LRRIQ1: variants seen among roughly 807,000 people sequenced by gnomAD.
LRRIQ1 encodes leucine rich repeats and IQ motif containing 1, also known as leucine-rich repeat- and IQ domain-containing protein 1.
LRRIQ1 carries 210 observed loss-of-function variants against 211.9 expected under a neutral mutation model. The ratio of observed to expected loss-of-function variants is 0.99; its 90% CI spans 0.89 to 1.11. The LOEUF (loss-of-function observed/expected upper bound fraction) is 1.11, where lower values mean the gene tolerates loss of function less well. LRRIQ1 is among the 50% of genes most tolerant of loss of function. The pLI is 0.00. For missense variants in LRRIQ1, 2,136 were observed against 1,939.5 expected, an observed-to-expected ratio of 1.10 and a Z score of -1.90; for synonymous variants, 699 against 650.1, an observed-to-expected ratio of 1.08 and a Z score of -1.14.
chr12:85,139,669 A>G (rs1489520811), intron 19 of LRRIQ1, among the ~76,000 whole-genome samples: 4 of 151,448 alleles, frequency 2.6e-5, no homozygotes, highest in African/African-American at 9.7e-5. Context: ...TGAAAATATT[A>G]TCAATAAGAC....
chr12:85,224,812 T>C (rs1227773622), intron 24 of LRRIQ1, among the ~76,000 whole-genome samples: 4 of 151,990 alleles, frequency 2.6e-5, no homozygotes, highest in Non-Finnish European at 5.9e-5. Flanking sequence ...TGCAGTAAAC[T>C]ACCATGGCAC....
chr12:85,215,734 A>T lies in LRRIQ1; in HGVS notation c.4823-13783A>T, dbSNP rs76325541. Among the ~76,000 whole-genome samples, 142 of 152,322 alleles carry T rather than the reference A, an allele frequency of 9.3e-4. 1 individual carries two copies. Among genetic ancestry groups the T allele is most frequent in the African/African-American group, 3.3e-3 (139 of 41,574 alleles). ...CAAACTGGAAACAACCGATGTGGCC[A>T]CCAACAATGCAATGGATAAGCTCTA... On this transcript the variant is annotated intron_variant, in intron 24 of 26. Coordinates refer to ENST00000393217, the MANE Select transcript of LRRIQ1 (RefSeq NM_001079910.2).
intron 15 of LRRIQ1, among the ~76,000 whole-genome samples, chr12:85,111,685 C>G (rs1283044913): frequency 6.6e-6 from 1 of 151,990 alleles, no homozygotes; most frequent in Non-Finnish European, 1.5e-5. Flanking sequence ...ATGTTTAGTT[C>G]TGAATATATT....
At chr12:85,236,830 C>CATATATAT (rs60371759) in intron 26 of LRRIQ1, among the ~76,000 whole-genome samples, 6,585 of 108,592 alleles carry the variant, frequency 0.061, 300 homozygotes, top group East Asian at 0.14. Context: ...TGTATGTGTG[C>CATATATAT]ATATATATAT....
intron 10 of LRRIQ1, 123 bp downstream of exon 10, chr12:85,067,021 T>A: frequency 4.1e-6 from 2 of 493,176 alleles, no homozygotes; most frequent in Non-Finnish European, 6.5e-6. Flanking sequence ...GTTATACTTT[T>A]AAAATTTAGA....
chr12:85,260,499 G>A (rs917585842), intron 1 of LRRIQ1, among the ~76,000 whole-genome samples: 2 of 152,056 alleles, frequency 1.3e-5, no homozygotes, highest in Non-Finnish European at 2.9e-5. Flanking sequence ...GGAACAAAAT[G>A]TATTAGTCAT....
chr12:85,231,257 A>G (rs1418073782), intron 25 of LRRIQ1, among the ~76,000 whole-genome samples: 1 of 152,164 alleles, frequency 6.6e-6, no homozygotes, highest in Non-Finnish European at 1.5e-5. Context: ...TTAATATGTG[A>G]TCAATTATAT....
intron 24 of LRRIQ1, among the ~76,000 whole-genome samples, chr12:85,197,859 TAATA>T (rs1396432303): frequency 7.5e-6 from 1 of 133,976 alleles, no homozygotes; most frequent in Non-Finnish European, 1.5e-5. Flanking sequence ...ATTATAAATA[TAATA>T]AATATAATAA....
intron 25 of LRRIQ1, among the ~76,000 whole-genome samples, chr12:85,230,217 A>G (rs1168000386): frequency 1.3e-5 from 2 of 152,218 alleles, no homozygotes; most frequent in Admixed American, 1.3e-4. Context: ...AATTTTTGTT[A>G]TATTAATGTA....
At chr12:85,264,917 T>C (rs942102535), downstream of LRRIQ1, among the ~76,000 whole-genome samples, 3 of 152,068 alleles carry the variant, frequency 2.0e-5, no homozygotes, top group Admixed American at 6.6e-5. Context: ...GTAACACTTA[T>C]CATCACTGCC....
chr12:85,147,916 AACG>A (rs1435331456), intron 19 of LRRIQ1, among the ~76,000 whole-genome samples: 1 of 151,748 alleles, frequency 6.6e-6, no homozygotes, highest in African/African-American at 2.4e-5. Flanking sequence ...AATCAAATAG[AACG>A]ACAATAGGTG....
chr12:85,195,851 G>C (rs1892875595), intron 24 of LRRIQ1, among the ~76,000 whole-genome samples: 1 of 152,018 alleles, frequency 6.6e-6, no homozygotes, highest in South Asian at 2.1e-4. Flanking sequence ...GAAGGAAATA[G>C]AGGGTATTCA....
chr12:85,144,649 G>GA (rs1263175077), intron 19 of LRRIQ1, among the ~76,000 whole-genome samples: 1 of 151,486 alleles, frequency 6.6e-6, no homozygotes, highest in Non-Finnish European at 1.5e-5. Context: ...TAGTAAAGGA[G>GA]AAAAAATAGA....
intron 8 of LRRIQ1, among the ~76,000 whole-genome samples, chr12:85,059,030 A>T (rs1352964527): frequency 6.6e-6 from 1 of 152,002 alleles, no homozygotes; most frequent in South Asian, 2.1e-4. Flanking sequence ...TTGTTACCAG[A>T]CAACTCCTGT....
rs572606135 is a variant in LRRIQ1, at chr12:85,258,636, G to A, written c.122-4279G>A. 9.2e-5 allele frequency among the ~76,000 whole-genome samples: 14 copies of A among 151,894 alleles called. No individual in the cohort carries two copies. The East Asian group carries it at 1.2e-3, about 13-fold the overall frequency. On this transcript the variant is annotated intron_variant, in intron 1 of 1. Coordinates refer to the LRRIQ1 transcript ENST00000602731. ...ATATCTACCTCAACCCCAAATTTGC[G>A]CAACGTAACTCATTCACAGCACTTA...
At chr12:85,116,927 T>C (rs2136391553) in intron 15 of LRRIQ1, among the ~76,000 whole-genome samples, 1 of 151,992 alleles carries the variant, frequency 6.6e-6, no homozygotes, top group East Asian at 1.9e-4. Flanking sequence ...GGTGTATATG[T>C]ACCACATTTT....
rs1893168786 is a variant in LRRIQ1 at position 85,199,194 on chromosome 12, A to G, written c.4823-30323A>G. ...TATCATGAAGTCTTTGCCAGGTCCC[A>G]TGTGCCAGATGGTGTTTTCTAGGTT... On this transcript the variant is annotated intron_variant, in intron 24 of 26. Transcript: ENST00000393217. Among the ~76,000 whole-genome samples, 3 of 152,080 alleles carry G rather than the reference A, an allele frequency of 2.0e-5. No individual in the cohort carries two copies. The South Asian group carries it at 6.2e-4, about 32-fold the overall frequency.
At chr12:85,192,886 A>G (rs1892643754) in intron 24 of LRRIQ1, among the ~76,000 whole-genome samples, 1 of 100,022 alleles carries the variant, frequency 1.0e-5, no homozygotes, top group Non-Finnish European at 1.7e-5. Context: ...ATACATAAAT[A>G]TATAGTTATA....
At chr12:85,136,017 T>C (rs78782345) in intron 18 of LRRIQ1, among the ~76,000 whole-genome samples, 394 of 152,124 alleles carry the variant, frequency 2.6e-3, no homozygotes, top group African/African-American at 9.0e-3. Context: ...TACATATTGA[T>C]GTTTTGAAAT....
Sources: allele counts gnomAD v4.1 joint callset (sites outside exome capture counted in the v4.1 genomes callset), GRCh38; gene constraint gnomAD v4.1.1; transcripts MANE v1.5; gene names NCBI Gene and HGNC (gene_info 2026-07-23, HGNC 2026-07-21).